The following IFI27L2 variants were observed in gnomAD, a reference collection of about 807,000 sequenced individuals.
IFI27L2 encodes interferon alpha inducible protein 27 like 2, also known as interferon alpha-inducible protein 27-like protein 2.
A neutral mutation model predicts 7.9 loss-of-function variants in IFI27L2; 8 were observed. That is an observed-to-expected ratio of 1.02 (90% CI 0.60 to 1.84). The LOEUF is 1.84. Ranked by LOEUF, IFI27L2 falls within the 40% of genes most tolerant of loss-of-function variation. The pLI, the probability that IFI27L2 is intolerant of heterozygous loss-of-function variation, is 0.00. For synonymous variants in IFI27L2, 56 were observed against 66.5 expected (o/e 0.84, Z 0.77); for missense variants, 190 against 165.8 (o/e 1.15, Z -0.80).
intron 1 of IFI27L2, 81 bp from the exon 2 acceptor site, chr14:94,129,372 G>T: frequency 1.8e-6 from 2 of 1,135,584 alleles, no homozygotes; most frequent in Admixed American, 3.8e-5. Flanking sequence ...AAGGGAGGGA[G>T]GGGGAGGGAA....
rs147973229 is a variant in IFI27L2, at chr14:94,127,950, G to C, written c.242C>G (p.Ser81Cys). The change falls in exon 4 of 4, where the codon TCT becomes TGT. Residue 81 changes from serine (S) to cysteine (C), a missense_variant. Physicochemically the swap from Ser to Cys is moderately radical, Grantham distance 112. Transcript: ENST00000238609. ...GCAGGCCCCCAACACTGACCCAACA[G>C]AGGCCAGGAGGATGTTGGATGATGT... ...LSTSSNILLA[S>C]VGSVLGACLG... The C allele has an allele frequency of 3.5e-5, 57 of 1,613,886 alleles. No homozygotes were observed. In the African/African-American group the frequency reaches 7.5e-4, roughly 21 times the overall value.
At chr14:94,129,521 G>A (rs767834744) in intron 1 of IFI27L2, 37 bp downstream of exon 1, 24 of 1,600,936 alleles carry the variant, frequency 1.5e-5, no homozygotes, top group Non-Finnish European at 1.9e-5. Flanking sequence ...CCTGCCCCCA[G>A]CCCAGCCCGC....
intron 3 of IFI27L2, 68 bp from the exon 4 acceptor site, chr14:94,128,060 C>T (rs1887617460): frequency 9.3e-7 from 1 of 1,079,960 alleles, no homozygotes; most frequent in Non-Finnish European, 1.4e-6. Context: ...CGGATCCCTC[C>T]TCCAGGTCCT....
chr14:94,128,304 T>C (rs1294180324), intron 3 of IFI27L2: 9 of 604,016 alleles, frequency 1.5e-5, no homozygotes, highest in Admixed American at 2.9e-5. Flanking sequence ...CTAGGTTCCT[T>C]TCCTCTTCTC....
In IFI27L2 at chr14:94,128,553, CA is replaced by C; in HGVS notation, c.159del (p.Val54PhefsTer?). 1 of 1,614,204 alleles carries C rather than the reference CA, an allele frequency of 6.2e-7. No homozygotes were observed. The highest frequency in any genetic ancestry group is 8.5e-7 in the Non-Finnish European group (1 of 1,180,026). ...MSAAAIANGG[G>X]VSAGSLVATL... ...GTAGCCACCAGGCTCCCCGCAGAAA[CA>C]CCACCCCCGTTGGCAATGGCTGCTG... is the stretch of plus-strand genomic sequence containing the variant. On this transcript the variant is annotated frameshift_variant, in exon 3 of 4. Coordinates refer to ENST00000238609, the MANE Select transcript of IFI27L2 (RefSeq NM_032036.3). LOFTEE classifies it low-confidence loss of function (END_TRUNC).
intron 1 of IFI27L2, 34 bp from the exon 2 acceptor site, chr14:94,129,325 G>C: frequency 7.3e-7 from 1 of 1,368,720 alleles, no homozygotes; most frequent in Non-Finnish European, 9.8e-7. Context: ...GGCAGAGGGA[G>C]ATGGGAAAGG....
Position 94,127,948 on chromosome 14 carries a change from CAG to C in IFI27L2, c.242_243del (p.Ser81CysfsTer20). On this transcript the variant is annotated frameshift_variant, in exon 4 of 4. Transcript: ENST00000238609. LOFTEE classifies it low-confidence loss of function (END_TRUNC). ...AAGCAGGCCCCCAACACTGACCCAA[CAG>C]AGGCCAGGAGGATGTTGGATGATGT... The part of the protein sequence containing the change: ...LSTSSNILLA[S>X]VGSVLGACLG... 1 of 1,613,940 alleles carries C rather than the reference CAG, an allele frequency of 6.2e-7. No individual in the cohort carries two copies. Among genetic ancestry groups the C allele is most frequent in the Admixed American group, 1.7e-5 (1 of 60,022 alleles).
intron 2 of IFI27L2, 106 bp from the exon 3 acceptor site, chr14:94,128,781 T>C (rs896579861): frequency 1.1e-6 from 1 of 939,380 alleles, no homozygotes; most frequent in South Asian, 1.6e-5. Context: ...ACTGTCAGCT[T>C]GAGCAATACA....
intron 1 of IFI27L2, 61 bp downstream of exon 1, chr14:94,129,497 T>G: frequency 4.6e-6 from 7 of 1,512,364 alleles, no homozygotes; most frequent in Admixed American, 1.7e-5. Flanking sequence ...CTTCCTGGGC[T>G]GGGGTTGGGG....
intron 2 of IFI27L2, 34 bp from the exon 3 acceptor site, chr14:94,128,709 G>C: frequency 6.4e-7 from 1 of 1,573,862 alleles, no homozygotes; most frequent in Non-Finnish European, 8.6e-7. Context: ...GCAGAGGTGG[G>C]CTCAGGAGAA....
At position 94,128,653 on chromosome 14, in the gene IFI27L2, G is replaced by A. The variant is rs768654988; in HGVS notation, c.60C>T (p.Pro20=). 1.9e-6 allele frequency: 3 copies of A among 1,613,222 alleles called. No individual in the cohort carries two copies. The highest frequency in any genetic ancestry group is 2.2e-5 in the East Asian group (1 of 44,826). ...VGGALAVGAV[P]VVLSAMGFTG... ...TGAAGCCCATGGCACTGAGCACCAC[G>A]GGCACAGCCCCCACTGCCAGGGCTG... is the stretch of plus-strand genomic sequence containing the variant. The change falls in exon 3 of 4, where the codon CCC becomes CCT. Residue 20 remains proline (P), a synonymous_variant. Coordinates refer to ENST00000238609, the MANE Select transcript of IFI27L2 (RefSeq NM_032036.3).
rs764122808 is a variant in IFI27L2 at position 94,127,876 on chromosome 14, C to G, written c.316G>C (p.Glu106Gln). 34 of 1,614,006 alleles carry G rather than the reference C, an allele frequency of 2.1e-5. No homozygotes were observed. Among genetic ancestry groups the G allele is most frequent in the Non-Finnish European group, 2.8e-5 (33 of 1,179,992 alleles). Reference sequence around the variant, plus strand: ...GGTACATTTTCTCTTGCCTCATCTTCTTTAGCCTCGGGTTCAGCTGGGAGA... The same window carrying G: ...GGTACATTTTCTCTTGCCTCATCTTGTTTAGCCTCGGGTTCAGCTGGGAGA... ...SSLPAEPEAK[E>Q]DEARENVPQG... is the part of the protein sequence containing the mutation. The change falls in exon 4 of 4, where the codon GAA (glutamate) becomes CAA (glutamine). Residue 106 changes from glutamate to glutamine, a missense_variant. Physicochemically the swap from Glu to Gln is conservative, Grantham distance 29. Coordinates refer to ENST00000238609, the MANE Select transcript of IFI27L2 (RefSeq NM_032036.3).
At chr14:94,129,494 G>A (rs940026573) in intron 1 of IFI27L2, 64 bp downstream of exon 1, 2 of 1,495,886 alleles carry the variant, frequency 1.3e-6, no homozygotes, top group East Asian at 2.3e-5. Context: ...TCCCTTCCTG[G>A]GCTGGGGTTG....
At chr14:94,129,105 C>T in intron 2 of IFI27L2, 157 bp downstream of exon 2, 2 of 635,696 alleles carry the variant, frequency 3.1e-6, no homozygotes, top group Admixed American at 2.9e-5. Context: ...GTGAGCTTTT[C>T]CCTGGAGTAT....
intron 2 of IFI27L2, chr14:94,128,901 C>T (rs1236158344): frequency 5.0e-6 from 3 of 595,004 alleles, no homozygotes; most frequent in Non-Finnish European, 9.0e-6. Flanking sequence ...CTCTAACTTG[C>T]TGTGTGATGC....
At position 94,129,212 on chromosome 14, in the gene IFI27L2, G is replaced by A. The variant is rs368269665; in HGVS notation, c.37+50C>T. The stretch of plus-strand genomic sequence containing the variant: ...CATCTCTGCGTTCTCCCAGCAGCCC[G>A]GGGACCAGGCTAGGTGAGGGCCTGG... On this transcript the variant is annotated intron_variant, in intron 2 of 3. Coordinates refer to ENST00000238609, the MANE Select transcript of IFI27L2 (RefSeq NM_032036.3). 4.0e-6 allele frequency: 6 copies of A among 1,512,278 alleles called. No homozygotes were observed. The African/African-American group carries it at 6.9e-5, about 17-fold the overall frequency. 93.7% of individuals were successfully genotyped at this position (1,512,278 alleles called of 1,614,324 possible).
chr14:94,127,963 T>A lies in IFI27L2; in HGVS notation c.229A>T (p.Ile77Phe). The A allele has an allele frequency of 6.2e-7, 1 of 1,613,474 alleles. No individual in the cohort carries two copies. Among genetic ancestry groups the A allele is most frequent in the Admixed American group, 1.7e-5 (1 of 59,998 alleles). The change falls in exon 4 of 4, where the codon ATC becomes TTC. Residue 77 changes from isoleucine (I) to phenylalanine (F), a missense_variant. Transcript: ENST00000238609. Reference protein sequence around the residue: ...GAAGLSTSSNILLASVGSVLG... With the variant: ...GAAGLSTSSNFLLASVGSVLG... ...ACTGACCCAACAGAGGCCAGGAGGATGTTGGATGATGTGGAGAGTCCAGCT... is the reference window on the plus strand; with the variant it reads ...ACTGACCCAACAGAGGCCAGGAGGAAGTTGGATGATGTGGAGAGTCCAGCT...
chr14:94,128,731 C>T, intron 2 of IFI27L2, 56 bp from the exon 3 acceptor site: 1 of 1,432,130 alleles, frequency 7.0e-7, no homozygotes. Context: ...GGACCCTTCC[C>T]CCCGCCCCCC....
At position 94,129,498 on chromosome 14, in the gene IFI27L2, G is replaced by A. The variant is rs992281978; in HGVS notation, c.7+60C>T. 2.0e-6 allele frequency: 3 copies of A among 1,522,698 alleles called. No homozygotes were observed. In the Admixed American group the frequency reaches 5.0e-5, roughly 26 times the overall value. 94.3% of individuals were successfully genotyped at this position (1,522,698 alleles called of 1,614,324 possible). A position where few individuals can be genotyped will look rare whatever the true frequency, so the allele number is the denominator to read the frequency against. ...GCTATTCCCTGTCCCTTCCTGGGCT[G>A]GGGTTGGGGAAGCCTGCCCCCAGCC... On this transcript the variant is annotated intron_variant, in intron 1 of 3. Coordinates refer to ENST00000238609, the MANE Select transcript of IFI27L2 (RefSeq NM_032036.3).
Sources: gnomAD v4.1 joint callset for allele counts on GRCh38, gnomAD v4.1.1 for gene constraint, MANE v1.5 for transcripts, NCBI Gene and HGNC (gene_info 2026-07-23, HGNC 2026-07-21) for gene names.